PLCL1: variants seen among roughly 807,000 people sequenced by gnomAD.
PLCL1 encodes the protein inactive phospholipase C-like protein 1.
Under a neutral mutation model 84.4 loss-of-function variants are expected in PLCL1, and 41 were observed. The observed-to-expected ratio is 0.49, with a 90% CI of 0.38 to 0.63. The LOEUF (loss-of-function observed/expected upper bound fraction) is 0.63, where lower values mean the gene tolerates loss of function less well. PLCL1 is among the 30% of genes least tolerant of loss of function. The probability of loss-of-function intolerance (pLI) is 0.00; values close to 1 mark genes in which losing one functional copy is unlikely to be tolerated. For synonymous variants in PLCL1, 490 were observed against 488.3 expected (o/e 1.00, Z -0.05); for missense variants, 1,206 against 1,367.8 (o/e 0.88, Z 1.87).
chr2:197,843,914 C>T (rs1425812186), intron 1 of PLCL1, among the ~76,000 whole-genome samples: 1 of 152,024 alleles, frequency 6.6e-6, no homozygotes, highest in Non-Finnish European at 1.5e-5. Context: ...ATCTTTTTAC[C>T]AGGCAGTGCG....
chr2:197,939,717 CTTTTTTTTTTTT>C (rs869135841), intron 1 of PLCL1, among the ~76,000 whole-genome samples: 2 of 112,186 alleles, frequency 1.8e-5, no homozygotes, highest in Admixed American at 9.4e-5. Flanking sequence ...CTTCAACAGA[CTTTTTTTTTTTT>C]TTTTTTTTTG....
At chr2:197,923,201 G>C (rs866644251) in intron 1 of PLCL1, among the ~76,000 whole-genome samples, 1 of 84,372 alleles carries the variant, frequency 1.2e-5, no homozygotes, top group Non-Finnish European at 2.5e-5. Context: ...CTGGCCGGGC[G>C]GGGGGCTGAC....
Position 197,841,501 on chromosome 2 carries a change from A to G in PLCL1, c.240+36162A>G, listed in dbSNP as rs1687002264. Reference sequence around the variant, plus strand: ...TTCATACTGGCTTCTTTCACTTAGCAATGTGCATTTAAAGTTCCTCCATGT... The same window carrying G: ...TTCATACTGGCTTCTTTCACTTAGCGATGTGCATTTAAAGTTCCTCCATGT... On this transcript the variant is annotated intron_variant, in intron 1 of 5. Transcript: ENST00000428675. 3.3e-5 allele frequency among the ~76,000 whole-genome samples: 5 copies of G among 152,332 alleles called. 1 individual carries two copies. The South Asian group carries it at 1.0e-3, about 32-fold the overall frequency.
intron 1 of PLCL1, among the ~76,000 whole-genome samples, chr2:198,069,101 C>T (rs922931496): frequency 1.7e-4 from 25 of 150,408 alleles, no homozygotes; most frequent in African/African-American, 5.8e-4. Flanking sequence ...AACATAACTA[C>T]TCAAATTTCA....
intron 1 of PLCL1, among the ~76,000 whole-genome samples, chr2:197,877,702 A>T (rs1441873498): frequency 6.6e-6 from 1 of 152,180 alleles, no homozygotes; most frequent in African/African-American, 2.4e-5. Context: ...TGTCAAAAAG[A>T]AAGGAAATGA....
chr2:198,058,014 A>G (rs1482417060), intron 1 of PLCL1, among the ~76,000 whole-genome samples: 1 of 152,242 alleles, frequency 6.6e-6, no homozygotes, highest in African/African-American at 2.4e-5. Flanking sequence ...ACAAATAAAT[A>G]CTATGTGACT....
intron 1 of PLCL1, among the ~76,000 whole-genome samples, chr2:198,007,637 C>A (rs75619562): frequency 6.6e-6 from 1 of 152,104 alleles, no homozygotes; most frequent in South Asian, 2.1e-4. Flanking sequence ...AATGTTAACC[C>A]TCTCTTTTAT....
At chr2:197,981,325 T>A (rs1261000634) in intron 1 of PLCL1, among the ~76,000 whole-genome samples, 3 of 152,102 alleles carry the variant, frequency 2.0e-5, no homozygotes, top group Non-Finnish European at 2.9e-5. Flanking sequence ...TGAAAACACA[T>A]GTAGAAAAAT....
At chr2:197,832,347 C>T (rs183656560) in intron 1 of PLCL1, among the ~76,000 whole-genome samples, 14 of 152,246 alleles carry the variant, frequency 9.2e-5, no homozygotes, top group Admixed American at 7.2e-4. Context: ...CACAGAAATA[C>T]GAACTACCAT....
chr2:197,916,043 T>C (rs1229361703), intron 1 of PLCL1, among the ~76,000 whole-genome samples: 2 of 152,246 alleles, frequency 1.3e-5, no homozygotes, highest in African/African-American at 2.4e-5. Flanking sequence ...CTTGGAGATG[T>C]TGAAACCTTC....
intron 1 of PLCL1, among the ~76,000 whole-genome samples, chr2:198,048,779 A>G (rs1452056375): frequency 6.6e-6 from 1 of 152,240 alleles, no homozygotes; most frequent in Non-Finnish European, 1.5e-5. Context: ...AACATGAGAT[A>G]TGGAAGGAAC....
rs1288021961 is a variant in PLCL1 at position 197,805,135 on chromosome 2, G to A, written c.36G>A (p.Ala12=). The change falls in exon 1 of 6, where the codon GCG becomes GCA. Residue 12 remains alanine, a synonymous_variant. Transcript: ENST00000428675. This position sits in a 1 kb window ranked among gnomAD's most constrained non-coding sequence, Gnocchi z 4.0. ...GCGCGGCCGGCAGGGAGGATCCGGC[G>A]CCGCCCGACGCGGCGGGGGGCGAAG... ...AEGAAGREDP[A]PPDAAGGEDD... 7.6e-7 allele frequency: 1 copy of A among 1,312,448 alleles called. No homozygotes were observed. The highest frequency in any genetic ancestry group is 9.7e-7 in the Non-Finnish European group (1 of 1,035,670). 81.3% of individuals were successfully genotyped at this position (1,312,448 alleles called of 1,614,324 possible).
At chr2:197,965,233 T>G (rs1019666893) in intron 1 of PLCL1, among the ~76,000 whole-genome samples, 2 of 152,166 alleles carry the variant, frequency 1.3e-5, no homozygotes, top group African/African-American at 4.8e-5. Flanking sequence ...TTTGATCTTT[T>G]GTTTACTTGT....
At chr2:198,025,703 A>G in intron 1 of PLCL1, among the ~76,000 whole-genome samples, 1 of 152,146 alleles carries the variant, frequency 6.6e-6, no homozygotes, top group Non-Finnish European at 1.5e-5. Flanking sequence ...AACCTTGAGG[A>G]AAGCAGTGTG....
chr2:198,099,181 G>A (rs565758244), intron 3 of PLCL1, among the ~76,000 whole-genome samples: 5 of 152,144 alleles, frequency 3.3e-5, no homozygotes, highest in South Asian at 2.1e-4. Flanking sequence ...TGGCTGAGTC[G>A]TGCTGACTTC....
At chr2:198,144,478 G>T (rs576466005) in intron 5 of PLCL1, among the ~76,000 whole-genome samples, 106 of 152,204 alleles carry the variant, frequency 7.0e-4, no homozygotes, top group African/African-American at 2.4e-3. Flanking sequence ...ATAGTACCAA[G>T]ATACTTATTA....
intron 1 of PLCL1, among the ~76,000 whole-genome samples, chr2:197,823,362 A>G (rs75096409): frequency 2.6e-5 from 4 of 151,504 alleles, no homozygotes; most frequent in African/African-American, 7.3e-5. Flanking sequence ...CTCTCTCTAT[A>G]TATATATATG....
intron 5 of PLCL1, among the ~76,000 whole-genome samples, chr2:198,118,067 A>G (rs939096226): frequency 3.3e-5 from 5 of 151,912 alleles, no homozygotes; most frequent in African/African-American, 9.7e-5. Context: ...ATACATGTAG[A>G]TATGATAATA....
rs142415033 is a variant in PLCL1 at position 198,043,494 on chromosome 2, C to T, written c.241-40264C>T. Among the ~76,000 whole-genome samples, 358 of 152,278 alleles carry T rather than the reference C, an allele frequency of 2.4e-3. 4 individuals are homozygous for T. The highest frequency in any genetic ancestry group is 8.4e-3 in the African/African-American group (347 of 41,554). Reference sequence around the variant, plus strand: ...CACTTCATGCAGTTACAAAATCATGCAGCCTTGCCATCAACGTGGCAAGGA... The same window carrying T: ...CACTTCATGCAGTTACAAAATCATGTAGCCTTGCCATCAACGTGGCAAGGA... On this transcript the variant is annotated intron_variant, in intron 1 of 5. Coordinates refer to ENST00000428675, the MANE Select transcript of PLCL1 (RefSeq NM_006226.4).
Sources: gnomAD v4.1 joint callset for allele counts (sites outside exome capture counted in the v4.1 genomes callset) on GRCh38, gnomAD v4.1.1 for gene constraint, Gnocchi (gnomAD v3.1) non-coding constraint, MANE v1.5 for transcripts, NCBI Gene and HGNC (gene_info 2026-07-23, HGNC 2026-07-21) for gene names.